Variants in SYTL2 observed in about 807,000 individuals in gnomAD.
The protein encoded by SYTL2 is synaptotagmin-like protein 2.
In SYTL2, 165 loss-of-function variants were observed where a neutral mutation model predicts 198.7. That is an observed-to-expected ratio of 0.83 (90% confidence interval 0.73 to 0.94). SYTL2 has a LOEUF of 0.94. SYTL2 is among the 40% of genes least tolerant of loss of function. SYTL2 has a pLI of 0.00. For synonymous variants in SYTL2, 966 were observed against 917.7 expected (o/e 1.05, Z -0.95); for missense variants, 2,835 against 2,582.8 (o/e 1.10, Z -2.12).
the SYTL2 span, among the ~76,000 whole-genome samples, chr11:85,831,562 C>T: frequency 2.0e-5 from 3 of 152,144 alleles, no homozygotes; most frequent in Non-Finnish European, 2.9e-5. Context: ...GTTCATTATA[C>T]ATGATGATGG....
At chr11:85,769,756 C>T (rs562122609) in intron 1 of SYTL2, among the ~76,000 whole-genome samples, 7 of 152,244 alleles carry the variant, frequency 4.6e-5, no homozygotes, top group African/African-American at 7.2e-5. Flanking sequence ...GTTTTATCAG[C>T]GGCTTACATA....
At chr11:85,754,739 T>C (rs2091755620) in intron 2 of SYTL2, among the ~76,000 whole-genome samples, 1 of 152,186 alleles carries the variant, frequency 6.6e-6, no homozygotes, top group Non-Finnish European at 1.5e-5. Context: ...TTAAATAACT[T>C]GCCCAGTGAA....
At chr11:85,728,122 T>C in intron 7 of SYTL2, 155 bp from the exon 8 acceptor site, 1 of 654,804 alleles carries the variant, frequency 1.5e-6, no homozygotes, top group East Asian at 2.8e-5. Context: ...AAATGTAAGT[T>C]GTCCTAATTA....
At chr11:85,748,579 T>G (rs1198304702) in intron 2 of SYTL2, among the ~76,000 whole-genome samples, 156 bp from the exon 3 acceptor site, 1 of 152,248 alleles carries the variant, frequency 6.6e-6, no homozygotes, top group Non-Finnish European at 1.5e-5. Flanking sequence ...AACAAGTGTA[T>G]GTTCACCTTT....
chr11:85,747,619 C>A (rs2091245107), intron 3 of SYTL2, among the ~76,000 whole-genome samples: 1 of 152,004 alleles, frequency 6.6e-6, no homozygotes, highest in Non-Finnish European at 1.5e-5. Context: ...GGTGAAGAAC[C>A]AATGGAAAAG....
Position 85,727,904 on chromosome 11 carries a change from C to T in SYTL2, c.1454G>A (p.Arg485His), listed in dbSNP as rs557707739. Residue 485 changes from arginine to histidine, a missense_variant, in exon 8 of 20, where the codon CGT becomes CAT. Around this residue, in one of 3 missense-constraint regions of SYTL2, gnomAD observed 2,645 missense variants for 2,381.7 expected, o/e 1.11. Coordinates refer to ENST00000359152, the MANE Select transcript of SYTL2 (RefSeq NM_206927.4). The part of the protein sequence containing the change: ...SQVPGGSSRD[R>H]QQGKPPPLPA... ...GAGAGGAGGGGGCTTACCTTGCTGA[C>T]GGTCTCTAGAACTGCCACCTGGCAC... 1.5e-5 allele frequency: 24 copies of T among 1,613,752 alleles called. No individual in the cohort carries two copies. Among genetic ancestry groups the T allele is most frequent in the Admixed American group, 1.0e-4 (6 of 59,958 alleles).
intron 1 of SYTL2, among the ~76,000 whole-genome samples, chr11:85,791,193 A>C (rs908175002): frequency 3.3e-5 from 5 of 150,108 alleles, no homozygotes; most frequent in African/African-American, 9.9e-5. Context: ...AAAAAAAAAA[A>C]AACAACCTTA....
chr11:85,786,087 C>A (rs1016890415), intron 1 of SYTL2, among the ~76,000 whole-genome samples: 1 of 152,114 alleles, frequency 6.6e-6, no homozygotes, highest in Non-Finnish European at 1.5e-5. Context: ...AGGAAAAACT[C>A]TTGATAGACA....
At chr11:85,696,107 G>T in intron 19 of SYTL2, 76 bp downstream of exon 19, 2 of 1,217,888 alleles carry the variant, frequency 1.6e-6, no homozygotes, top group Non-Finnish European at 2.4e-6. Flanking sequence ...CTGGGAAGAA[G>T]CAAAGCAACA....
chr11:85,832,996 A>C, the SYTL2 span, among the ~76,000 whole-genome samples: 1 of 94,306 alleles, frequency 1.1e-5, no homozygotes, highest in Non-Finnish European at 2.3e-5. Context: ...ACCCTGTCTC[A>C]AAAAAAAAAG....
chr11:85,844,560 G>A, the SYTL2 span, among the ~76,000 whole-genome samples: 2 of 152,170 alleles, frequency 1.3e-5, no homozygotes, highest in Non-Finnish European at 2.9e-5. Flanking sequence ...TTCCTGGTGT[G>A]GAGGTGGGCA....
chr11:85,754,182 T>C (rs1221506939), intron 2 of SYTL2, among the ~76,000 whole-genome samples: 1 of 152,160 alleles, frequency 6.6e-6, no homozygotes, highest in Non-Finnish European at 1.5e-5. Context: ...GGAAACAAAA[T>C]TGAGATTTTA....
At chr11:85,701,747 A>G (rs535335378) in intron 16 of SYTL2, among the ~76,000 whole-genome samples, 1 of 152,312 alleles carries the variant, frequency 6.6e-6, no homozygotes, top group Non-Finnish European at 1.5e-5. Flanking sequence ...ATTTATATTT[A>G]TCACTTCCTA....
the SYTL2 span, among the ~76,000 whole-genome samples, chr11:85,850,048 A>G: frequency 6.8e-6 from 1 of 146,862 alleles, no homozygotes; most frequent in African/African-American, 2.5e-5. Context: ...TCTTTGAAGC[A>G]ATTGTGAATG....
intron 7 of SYTL2, among the ~76,000 whole-genome samples, chr11:85,732,969 C>T (rs2089964228): frequency 6.6e-6 from 1 of 152,124 alleles, no homozygotes; most frequent in South Asian, 2.1e-4. Flanking sequence ...TAGTTTCAGG[C>T]ATCCCCTGAG....
chr11:85,699,288 G>A (rs1168010891), intron 17 of SYTL2, among the ~76,000 whole-genome samples: 1 of 152,154 alleles, frequency 6.6e-6, no homozygotes, highest in Non-Finnish European at 1.5e-5. Context: ...GACTTTGGTA[G>A]GTTGAGGAGA....
chr11:85,725,348 G>A lies in SYTL2; in HGVS notation c.4010C>T (p.Ala1337Val), dbSNP rs2153463901. ...PPQDMLFPQD[A>V]HLVPQARVHP... ...TACCCTAGCCTGGGGAACAAGATGA[G>A]CATCCTGGGGAAAAAGCATATCTTG... Residue 1337 changes from alanine to valine, a missense_variant, in exon 8 of 20, where the codon GCT (alanine) becomes GTT (valine). Physicochemically the swap from Ala to Val is moderately conservative, Grantham distance 64. Coordinates refer to ENST00000359152, the MANE Select transcript of SYTL2 (RefSeq NM_206927.4). The A allele has an allele frequency of 1.2e-6, 2 of 1,613,928 alleles. No homozygotes were observed. The highest frequency in any genetic ancestry group is 2.2e-5 in the East Asian group (1 of 44,878).
At chr11:85,698,227 T>TAG in intron 17 of SYTL2, 149 bp from the exon 18 acceptor site, 1 of 584,202 alleles carries the variant, frequency 1.7e-6, no homozygotes, top group South Asian at 2.3e-5. Flanking sequence ...TATACAGTCT[T>TAG]AACTAAGTCT....
the SYTL2 span, among the ~76,000 whole-genome samples, chr11:85,841,737 G>A: frequency 6.6e-6 from 1 of 152,100 alleles, no homozygotes; most frequent in Non-Finnish European, 1.5e-5. Flanking sequence ...TTGGTACCTG[G>A]GTGACAGAAT....
Sources: allele counts gnomAD v4.1 joint callset (sites outside exome capture counted in the v4.1 genomes callset), GRCh38; gene constraint gnomAD v4.1.1; regional missense constraint gnomAD v4.1.1; transcripts MANE v1.5; gene names NCBI Gene and HGNC (gene_info 2026-07-23, HGNC 2026-07-21).